FTO: variants seen among roughly 807,000 people sequenced by gnomAD.
The protein encoded by FTO is FTO alpha-ketoglutarate dependent dioxygenase.
In FTO, 47 loss-of-function variants were observed where a neutral mutation model predicts 63.9. The observed-to-expected ratio is 0.74, with a 90% CI of 0.58 to 0.94. FTO has a LOEUF of 0.94. FTO is among the 40% of genes least tolerant of loss of function. FTO has a pLI of 0.00. For synonymous variants in FTO, 207 were observed against 224.4 expected, an observed-to-expected ratio of 0.92 and a Z score of 0.69; for missense variants, 562 against 618.1, an observed-to-expected ratio of 0.91 and a Z score of 0.96.
intron 1 of FTO, among the ~76,000 whole-genome samples, chr16:53,809,863 C>T (rs1290051368): frequency 1.3e-5 from 2 of 151,824 alleles, no homozygotes; most frequent in Non-Finnish European, 2.9e-5. Flanking sequence ...ATCACTTGAG[C>T]CCAGGAGTTT....
At chr16:53,950,080 T>C (rs1465971197) in intron 8 of FTO, among the ~76,000 whole-genome samples, 3 of 149,298 alleles carry the variant, frequency 2.0e-5, no homozygotes. Flanking sequence ...ACATTTTTTT[T>C]TTTTTGGTGT....
intron 1 of FTO, among the ~76,000 whole-genome samples, chr16:53,809,553 C>A (rs2078465919): frequency 1.3e-5 from 2 of 152,054 alleles, no homozygotes; most frequent in African/African-American, 4.8e-5. Flanking sequence ...CGGTTGTCAA[C>A]AATACATGTG....
intron 1 of FTO, among the ~76,000 whole-genome samples, chr16:53,765,018 C>A (rs1475262728): frequency 6.6e-6 from 1 of 152,124 alleles, no homozygotes; most frequent in Non-Finnish European, 1.5e-5. Context: ...CCATGCCCAA[C>A]CTGTCTGTTG....
intron 8 of FTO, among the ~76,000 whole-genome samples, chr16:54,060,301 A>G (rs1422050916): frequency 6.6e-6 from 1 of 152,234 alleles, no homozygotes; most frequent in African/African-American, 2.4e-5. Context: ...GTGAATGAAG[A>G]AGATTGGATA....
At position 53,857,082 on chromosome 16, in the gene FTO, TC is replaced by T. The variant is rs528964412; in HGVS notation, c.895+12785del. Among the ~76,000 whole-genome samples, 53 of 150,522 alleles carry T rather than the reference TC, an allele frequency of 3.5e-4. No individual in the cohort carries two copies. In the South Asian group the frequency reaches 0.011, roughly 31 times the overall value. On this transcript the variant is annotated intron_variant, in intron 4 of 8. Transcript: ENST00000471389. ...TATTGGTATGGAAGTATTTTTTTTT[TC>T]TCCCAGCTTTTATTTCAGGTTCAAG...
chr16:53,914,468 T>A (rs1197979322), intron 7 of FTO, among the ~76,000 whole-genome samples: 2 of 152,292 alleles, frequency 1.3e-5, no homozygotes, highest in African/African-American at 4.8e-5. Flanking sequence ...AAACTATTTT[T>A]AAAGAATTGT....
intron 1 of FTO, among the ~76,000 whole-genome samples, chr16:53,732,311 A>C (rs2076291936): frequency 6.6e-6 from 1 of 152,168 alleles, no homozygotes; most frequent in Non-Finnish European, 1.5e-5. Context: ...TTGGCCTCCC[A>C]AAGTGCTGGG....
At chr16:53,943,898 G>A (rs183444516) in intron 8 of FTO, among the ~76,000 whole-genome samples, 2 of 152,244 alleles carry the variant, frequency 1.3e-5, no homozygotes, top group East Asian at 1.9e-4. Context: ...TCAATTATCC[G>A]TACCGTGGTT....
intron 8 of FTO, among the ~76,000 whole-genome samples, chr16:54,035,509 T>C (rs2084924728): frequency 6.6e-6 from 1 of 152,124 alleles, no homozygotes; most frequent in Non-Finnish European, 1.5e-5. Flanking sequence ...AGGAGAAGGG[T>C]TAAGAGGTCT....
intron 1 of FTO, among the ~76,000 whole-genome samples, chr16:53,809,228 C>G (rs903717803): frequency 6.6e-6 from 1 of 152,036 alleles, no homozygotes; most frequent in Admixed American, 6.6e-5. Flanking sequence ...AAGGCTGCTT[C>G]ATGGAATTGG....
At chr16:53,854,530 G>A (rs568366021) in intron 4 of FTO, among the ~76,000 whole-genome samples, 16 of 152,028 alleles carry the variant, frequency 1.1e-4, no homozygotes, top group South Asian at 2.1e-4. Flanking sequence ...CAATGTTCCC[G>A]CACTGTTTTG....
chr16:53,984,183 C>T (rs950228349), intron 8 of FTO, among the ~76,000 whole-genome samples: 2 of 152,102 alleles, frequency 1.3e-5, no homozygotes, highest in South Asian at 2.1e-4. Flanking sequence ...ACAGATCCTT[C>T]GTTAAGGCCA....
intron 7 of FTO, among the ~76,000 whole-genome samples, chr16:53,932,855 T>C (rs750784779): frequency 3.3e-5 from 5 of 152,186 alleles, no homozygotes; most frequent in Non-Finnish European, 7.3e-5. Context: ...CTCAGCATTT[T>C]CCCCCGTTTC....
intron 1 of FTO, among the ~76,000 whole-genome samples, chr16:53,707,110 C>T (rs1405015672): frequency 6.6e-6 from 1 of 152,170 alleles, no homozygotes; most frequent in African/African-American, 2.4e-5. Context: ...AACTTGGTGG[C>T]TTAAAACAAC....
intron 8 of FTO, among the ~76,000 whole-genome samples, chr16:54,094,241 G>A (rs756045836): frequency 1.3e-5 from 2 of 152,124 alleles, no homozygotes; most frequent in Non-Finnish European, 2.9e-5. Flanking sequence ...TAATAAGTCC[G>A]CCCAGTTAAC....
intron 8 of FTO, among the ~76,000 whole-genome samples, chr16:54,011,437 T>C (rs1409022519): frequency 6.6e-6 from 1 of 152,208 alleles, no homozygotes; most frequent in Non-Finnish European, 1.5e-5. Flanking sequence ...CAGGACCCTA[T>C]ATCTATCAGC....
At chr16:54,004,199 A>G (rs930102561) in intron 8 of FTO, among the ~76,000 whole-genome samples, 25 of 152,162 alleles carry the variant, frequency 1.6e-4, no homozygotes, top group Admixed American at 1.6e-3. Flanking sequence ...TTTACTTAGC[A>G]TGGTACGTCT....
intron 6 of FTO, among the ~76,000 whole-genome samples, chr16:53,881,370 T>A (rs1374017909): frequency 6.6e-6 from 1 of 152,162 alleles, no homozygotes; most frequent in African/African-American, 2.4e-5. Context: ...ACTGTCTTCA[T>A]CTTCCAAGCC....
chr16:53,726,103 T>G (rs1350939266), intron 1 of FTO, among the ~76,000 whole-genome samples: 1 of 152,212 alleles, frequency 6.6e-6, no homozygotes, highest in Non-Finnish European at 1.5e-5. Flanking sequence ...GAGCCCGAAC[T>G]TAGAATTGTA....
Sources: allele counts gnomAD v4.1 joint callset (sites outside exome capture counted in the v4.1 genomes callset), GRCh38; gene constraint gnomAD v4.1.1; transcripts MANE v1.5; gene names NCBI Gene and HGNC (gene_info 2026-07-23, HGNC 2026-07-21).